The following RAP2B variants were observed in gnomAD, a reference collection of about 807,000 sequenced individuals.
RAP2B encodes the protein RAP2B, member of RAS oncogene family.
RAP2B carries 6 observed loss-of-function variants against 14.4 expected under a neutral mutation model. The ratio of observed to expected loss-of-function variants is 0.42; its 90% CI spans 0.23 to 0.82. The LOEUF is 0.82. RAP2B is among the 40% of genes least tolerant of loss of function. The pLI, the probability that RAP2B is intolerant of heterozygous loss-of-function variation, is 0.30. For synonymous variants in RAP2B, 118 were observed against 113.2 expected (o/e 1.04, Z -0.27); for missense variants, 137 against 248.2 (o/e 0.55, Z 3.01).
rs1475301290 is a variant in RAP2B at position 153,169,309 on chromosome 3, C to T, written c.*6064C>T. On this transcript the variant is annotated 3_prime_UTR_variant, in exon 1 of 1. Coordinates refer to ENST00000323534, the MANE Select transcript of RAP2B (RefSeq NM_002886.4). ...AGTAGCTGGGACTACGGGCGCCCTC[C>T]ACCACTCCCGGCTAATTTTTGTATT... 1 of 151,876 alleles carries T rather than the reference C, an allele frequency of 6.6e-6. No homozygotes were observed. Among genetic ancestry groups the T allele is most frequent in the East Asian group, 1.9e-4 (1 of 5,172 alleles). The allele number at this position is 151,876 out of a possible 1,614,324, so 9.4% of individuals were successfully genotyped here. A position where few individuals can be genotyped will look rare whatever the true frequency, so the allele number is the denominator to read the frequency against.
chr3:153,163,092 C>G lies in RAP2B; in HGVS notation c.399C>G (p.Ala133=), dbSNP rs1407593699. 6.2e-7 allele frequency: 1 copy of G among 1,613,932 alleles called. No homozygotes were observed. The highest frequency in any genetic ancestry group is 1.7e-5 in the Admixed American group (1 of 60,026). Residue 133 remains alanine (A), a synonymous_variant, in exon 1 of 1, where the codon GCC becomes GCG. Transcript: ENST00000323534. ...AGGTCTCGTACGGGGAGGGCAAGGC[C>G]CTGGCTGAGGAGTGGAGCTGCCCCT... ...EREVSYGEGK[A]LAEEWSCPFM...
At position 153,168,539 on chromosome 3, in the gene RAP2B, C is replaced by T. The variant is rs1403558981; in HGVS notation, c.*5294C>T. 6.3e-6 allele frequency: 1 copy of T among 158,024 alleles called. No individual in the cohort carries two copies. Among genetic ancestry groups the T allele is most frequent in the Admixed American group, 6.5e-5 (1 of 15,284 alleles). 9.8% of individuals were successfully genotyped at this position (158,024 alleles called of 1,614,324 possible). ...TCATAGCACAGTAGTCTACAGCTCT[C>T]TATAGTAGCTTAATAGCTATTTGCT... On this transcript the variant is annotated 3_prime_UTR_variant, in exon 1 of 1. Coordinates refer to ENST00000323534, the MANE Select transcript of RAP2B (RefSeq NM_002886.4).
rs1383092665 is a variant in RAP2B, at chr3:153,166,428, A to G, written c.*3183A>G. 6.0e-6 allele frequency: 1 copy of G among 167,040 alleles called. No individual in the cohort carries two copies. Among genetic ancestry groups the G allele is most frequent in the Non-Finnish European group, 1.5e-5 (1 of 68,096 alleles). 10.3% of individuals were successfully genotyped at this position (167,040 alleles called of 1,614,324 possible). A position where few individuals can be genotyped will look rare whatever the true frequency, so the allele number is the denominator to read the frequency against. ...AAAGGAAGTGAGTCAGGGAGGGCGG[A>G]GTTTGTTGTAAGGCAATCACCTGTC... On this transcript the variant is annotated 3_prime_UTR_variant, in exon 1 of 1. Coordinates refer to ENST00000323534, the MANE Select transcript of RAP2B (RefSeq NM_002886.4).
chr3:153,163,255 CGCGCGCCGG>C lies in RAP2B; in HGVS notation c.*11_*19del. 6.6e-7 allele frequency: 1 copy of C among 1,520,422 alleles called. No individual in the cohort carries two copies. The highest frequency in any genetic ancestry group is 1.3e-5 in the South Asian group (1 of 78,110). 94.2% of individuals were successfully genotyped at this position (1,520,422 alleles called of 1,614,324 possible). A position where few individuals can be genotyped will look rare whatever the true frequency, so the allele number is the denominator to read the frequency against. ...CTGCGTGATCCTCTGAGGCGGCCACCGCGCGCCGGCCGCGCTCTGCGCACAAAAGCCAAA... is the reference window on the plus strand; with the variant it reads ...CTGCGTGATCCTCTGAGGCGGCCACCCCGCGCTCTGCGCACAAAAGCCAAA... On this transcript the variant is annotated 3_prime_UTR_variant, in exon 1 of 1. Coordinates refer to ENST00000323534, the MANE Select transcript of RAP2B (RefSeq NM_002886.4).
chr3:153,167,740 A>G lies in RAP2B; in HGVS notation c.*4495A>G, dbSNP rs1164177481. The G allele has an allele frequency of 6.0e-6, 1 of 167,060 alleles. No individual in the cohort carries two copies. The highest frequency in any genetic ancestry group is 2.4e-5 in the African/African-American group (1 of 41,466). The allele number at this position is 167,060 out of a possible 1,614,324, so 10.3% of individuals were successfully genotyped here. A position where few individuals can be genotyped will look rare whatever the true frequency, so the allele number is the denominator to read the frequency against. On this transcript the variant is annotated 3_prime_UTR_variant, in exon 1 of 1. Coordinates refer to ENST00000323534, the MANE Select transcript of RAP2B (RefSeq NM_002886.4). ...ATCATTTTCACATTATTACAGGAAC[A>G]TTTTGACTATGGTTTTCAATGTTAA...
In RAP2B at chr3:153,166,028, A is replaced by C. The variant is rs1467299532; in HGVS notation, c.*2783A>C. 1 of 167,044 alleles carries C rather than the reference A, an allele frequency of 6.0e-6. No homozygotes were observed. Among genetic ancestry groups the C allele is most frequent in the Non-Finnish European group, 1.5e-5 (1 of 68,112 alleles). 10.3% of individuals were successfully genotyped at this position (167,044 alleles called of 1,614,324 possible). On this transcript the variant is annotated 3_prime_UTR_variant, in exon 1 of 1. Coordinates refer to ENST00000323534, the MANE Select transcript of RAP2B (RefSeq NM_002886.4). ...GTATATACTGACAGAAGATATTTGA[A>C]AGTGGAAAATTGGAAATGAAATATG...
In RAP2B at chr3:153,167,421, G is replaced by T. The variant is rs139001345; in HGVS notation, c.*4176G>T. On this transcript the variant is annotated 3_prime_UTR_variant, in exon 1 of 1. Coordinates refer to ENST00000323534, the MANE Select transcript of RAP2B (RefSeq NM_002886.4). ...CAGTTTCTTACCCAGTGGGTCTCGG[G>T]TAGGGTCTCAATTTTCATTTCTAAC... 6.0e-6 allele frequency: 1 copy of T among 166,948 alleles called. No individual in the cohort carries two copies. The highest frequency in any genetic ancestry group is 2.4e-5 in the African/African-American group (1 of 41,418). 10.3% of individuals were successfully genotyped at this position (166,948 alleles called of 1,614,324 possible).
rs185239774 is a variant in RAP2B, at chr3:153,169,484, C to T, written c.*6239C>T. 1,122 of 152,946 alleles carry T rather than the reference C, an allele frequency of 7.3e-3. 13 individuals carry two copies. The highest frequency in any genetic ancestry group is 0.026 in the African/African-American group (1,070 of 41,340). The allele number at this position is 152,946 out of a possible 1,614,324, so 9.5% of individuals were successfully genotyped here. A position where few individuals can be genotyped will look rare whatever the true frequency, so the allele number is the denominator to read the frequency against. ...TTTTTGAAATGGAGTCTGGCTCTGTCGCCCAGGCTGGAGTGCAATGGCGCG... is the reference window on the plus strand; with the variant it reads ...TTTTTGAAATGGAGTCTGGCTCTGTTGCCCAGGCTGGAGTGCAATGGCGCG... On this transcript the variant is annotated 3_prime_UTR_variant, in exon 1 of 1. Transcript: ENST00000323534.
At position 153,162,492 on chromosome 3, in the gene RAP2B, A is replaced by T. The variant is rs1713430145; in HGVS notation, c.-202A>T. ...CGGGGCCCGGACCCGCACCCCAGGG[A>T]TACGCTGCCGCCGCCGCCGGCCGGC... On this transcript the variant is annotated 5_prime_UTR_variant, in exon 1 of 1. Coordinates refer to ENST00000323534, the MANE Select transcript of RAP2B (RefSeq NM_002886.4). This position sits in a 1 kb window ranked among gnomAD's most constrained non-coding sequence, Gnocchi z 4.9. 1 of 524,746 alleles carries T rather than the reference A, an allele frequency of 1.9e-6. No homozygotes were observed. Among genetic ancestry groups the T allele is most frequent in the Non-Finnish European group, 3.2e-6 (1 of 316,372 alleles). 32.5% of individuals were successfully genotyped at this position (524,746 alleles called of 1,614,324 possible). A position where few individuals can be genotyped will look rare whatever the true frequency, so the allele number is the denominator to read the frequency against.
At position 153,163,390 on chromosome 3, in the gene RAP2B, G is replaced by A. The variant is rs181598068; in HGVS notation, c.*145G>A. The A allele has an allele frequency of 1.7e-6, 2 of 1,154,500 alleles. No homozygotes were observed. Among genetic ancestry groups the A allele is most frequent in the Non-Finnish European group, 2.4e-6 (2 of 831,498 alleles). The allele number at this position is 1,154,500 out of a possible 1,614,324, so 71.5% of individuals were successfully genotyped here. A position where few individuals can be genotyped will look rare whatever the true frequency, so the allele number is the denominator to read the frequency against. ...GGGAGCCCGGCTGGCCTCCGCGGCC[G>A]GCGTCCCCTGCCTCCACCCTGTGCC... On this transcript the variant is annotated 3_prime_UTR_variant, in exon 1 of 1. Transcript: ENST00000323534.
In RAP2B at chr3:153,165,097, A is replaced by C. The variant is rs1172370817; in HGVS notation, c.*1852A>C. On this transcript the variant is annotated 3_prime_UTR_variant, in exon 1 of 1. Coordinates refer to ENST00000323534, the MANE Select transcript of RAP2B (RefSeq NM_002886.4). ...CTGGCAAAGTAGGATGGCACTTTTA[A>C]GTTTTTCTTCCTTTTTTCCCTCTGT... 1 of 166,930 alleles carries C rather than the reference A, an allele frequency of 6.0e-6. No individual in the cohort carries two copies. The highest frequency in any genetic ancestry group is 1.5e-5 in the Non-Finnish European group (1 of 68,106). 10.3% of individuals were successfully genotyped at this position (166,930 alleles called of 1,614,324 possible). A position where few individuals can be genotyped will look rare whatever the true frequency, so the allele number is the denominator to read the frequency against.
At position 153,162,512 on chromosome 3, in the gene RAP2B, G is replaced by C. The variant is rs923740724; in HGVS notation, c.-182G>C. On this transcript the variant is annotated 5_prime_UTR_variant, in exon 1 of 1. Transcript: ENST00000323534. This position sits in a 1 kb window ranked among gnomAD's most constrained non-coding sequence, Gnocchi z 4.9. ...CAGGGATACGCTGCCGCCGCCGCCGGCCGGCCCGGCGCCCGGCCTCCGTTC... is the reference window on the plus strand; with the variant it reads ...CAGGGATACGCTGCCGCCGCCGCCGCCCGGCCCGGCGCCCGGCCTCCGTTC... The C allele has an allele frequency of 3.9e-5, 26 of 663,652 alleles. No homozygotes were observed. Among genetic ancestry groups the C allele is most frequent in the Non-Finnish European group, 5.5e-5 (24 of 436,518 alleles). The allele number at this position is 663,652 out of a possible 1,614,324, so 41.1% of individuals were successfully genotyped here.
Position 153,163,466 on chromosome 3 carries a change from C to G in RAP2B, c.*221C>G, listed in dbSNP as rs1576681111. 1 of 609,502 alleles carries G rather than the reference C, an allele frequency of 1.6e-6. No individual in the cohort carries two copies. The highest frequency in any genetic ancestry group is 3.5e-5 in the Admixed American group (1 of 28,496). 37.8% of individuals were successfully genotyped at this position (609,502 alleles called of 1,614,324 possible). Reference sequence around the variant, plus strand: ...CCGATACTCTGGTGGAAATGTGGCTCTTTGCAGCATGTACGTTTCTCCCTG... The same window carrying G: ...CCGATACTCTGGTGGAAATGTGGCTGTTTGCAGCATGTACGTTTCTCCCTG... On this transcript the variant is annotated 3_prime_UTR_variant, in exon 1 of 1. Transcript: ENST00000323534.
Position 153,162,495 on chromosome 3 carries a change from C to CGCT in RAP2B, c.-196_-194dup. 3 of 558,650 alleles carry CGCT rather than the reference C, an allele frequency of 5.4e-6. No homozygotes were observed. Among genetic ancestry groups the CGCT allele is most frequent in the Non-Finnish European group, 8.8e-6 (3 of 342,306 alleles). The allele number at this position is 558,650 out of a possible 1,614,324, so 34.6% of individuals were successfully genotyped here. ...GGCCCGGACCCGCACCCCAGGGATA[C>CGCT]GCTGCCGCCGCCGCCGGCCGGCCCG... is the stretch of plus-strand genomic sequence containing the variant. On this transcript the variant is annotated 5_prime_UTR_variant, in exon 1 of 1. Transcript: ENST00000323534. The surrounding 1 kb of genome is among the most constrained non-coding windows in gnomAD (Gnocchi z 4.9).
Position 153,169,592 on chromosome 3 carries a change from T to A in RAP2B, c.*6347T>A, listed in dbSNP as rs1382359530. The A allele has an allele frequency of 6.6e-6, 1 of 152,452 alleles. No homozygotes were observed. Among genetic ancestry groups the A allele is most frequent in the East Asian group, 1.9e-4 (1 of 5,198 alleles). The allele number at this position is 152,452 out of a possible 1,614,324, so 9.4% of individuals were successfully genotyped here. On this transcript the variant is annotated 3_prime_UTR_variant, in exon 1 of 1. Coordinates refer to ENST00000323534, the MANE Select transcript of RAP2B (RefSeq NM_002886.4). ...TCCTGAGTAGCTGGGATTACAGGCG[T>A]GCACCACCACGCCCGCCTAATTTTT...
In RAP2B at chr3:153,166,268, G is replaced by A. The variant is rs944062545; in HGVS notation, c.*3023G>A. On this transcript the variant is annotated 3_prime_UTR_variant, in exon 1 of 1. Coordinates refer to ENST00000323534, the MANE Select transcript of RAP2B (RefSeq NM_002886.4). ...TCATATTTTCTTGGCAAAATTGAGAGAAATTAGGAACACTGCTATTTTTTT... is the reference window on the plus strand; with the variant it reads ...TCATATTTTCTTGGCAAAATTGAGAAAAATTAGGAACACTGCTATTTTTTT... The A allele has an allele frequency of 6.0e-6, 1 of 166,562 alleles. No individual in the cohort carries two copies. The highest frequency in any genetic ancestry group is 2.4e-5 in the African/African-American group (1 of 41,444). 10.3% of individuals were successfully genotyped at this position (166,562 alleles called of 1,614,324 possible).
rs1475060345 is a variant in RAP2B, at chr3:153,162,935, T to C, written c.242T>C (p.Val81Ala). Reference protein sequence around the residue: ...YIKNGQGFILVYSLVNQQSFQ... With the variant: ...YIKNGQGFILAYSLVNQQSFQ... ...AAGAACGGCCAGGGCTTCATCCTGG[T>C]CTACAGCCTCGTCAACCAGCAGAGC... is the stretch of plus-strand genomic sequence containing the variant. The change falls in exon 1 of 1, where the codon GTC (valine) becomes GCC (alanine). Residue 81 changes from valine to alanine, a missense_variant. By Grantham distance (64) the Val-to-Ala change is moderately conservative. Coordinates refer to ENST00000323534, the MANE Select transcript of RAP2B (RefSeq NM_002886.4). This position sits in a 1 kb window ranked among gnomAD's most constrained non-coding sequence, Gnocchi z 4.9. 2 of 1,613,862 alleles carry C rather than the reference T, an allele frequency of 1.2e-6. No homozygotes were observed. The highest frequency in any genetic ancestry group is 8.5e-7 in the Non-Finnish European group (1 of 1,180,002).
chr3:153,162,467 C>G lies in RAP2B; in HGVS notation c.-227C>G. The stretch of plus-strand genomic sequence containing the variant: ...CTGCTGCTGCCGCCGCGGACTGCTG[C>G]GGGGCCCGGACCCGCACCCCAGGGA... On this transcript the variant is annotated 5_prime_UTR_variant, in exon 1 of 1. Coordinates refer to ENST00000323534, the MANE Select transcript of RAP2B (RefSeq NM_002886.4). The surrounding 1 kb of genome is among the most constrained non-coding windows in gnomAD (Gnocchi z 4.9). 1 of 365,868 alleles carries G rather than the reference C, an allele frequency of 2.7e-6. No individual in the cohort carries two copies. Among genetic ancestry groups the G allele is most frequent in the East Asian group, 4.5e-5 (1 of 22,230 alleles). 22.7% of individuals were successfully genotyped at this position (365,868 alleles called of 1,614,324 possible). A position where few individuals can be genotyped will look rare whatever the true frequency, so the allele number is the denominator to read the frequency against.
Position 153,163,951 on chromosome 3 carries a change from A to G in RAP2B, c.*706A>G, listed in dbSNP as rs1713496097. On this transcript the variant is annotated 3_prime_UTR_variant, in exon 1 of 1. Transcript: ENST00000323534. ...GCACATCTGAACTGGGACTGTTAAC[A>G]CTGATGCCAATACAGTGTGGGGTGC... 1.8e-5 allele frequency: 3 copies of G among 166,858 alleles called. No individual in the cohort carries two copies. The allele number at this position is 166,858 out of a possible 1,614,324, so 10.3% of individuals were successfully genotyped here.
Sources: allele counts gnomAD v4.1 joint callset, GRCh38; gene constraint gnomAD v4.1.1; non-coding constraint Gnocchi (gnomAD v3.1); transcripts MANE v1.5; gene names NCBI Gene and HGNC (gene_info 2026-07-23, HGNC 2026-07-21).